GTPBP10: variants seen among roughly 807,000 people sequenced by gnomAD.
The protein encoded by GTPBP10 is GTP binding protein 10, also known as GTP-binding protein 10.
GTPBP10 carries 38 observed loss-of-function variants against 44.8 expected under a neutral mutation model. That is an observed-to-expected ratio of 0.85 (90% CI 0.65 to 1.11). The LOEUF is 1.11. Ranked by LOEUF, GTPBP10 falls within the 50% of genes most tolerant of loss-of-function variation. The pLI, the probability that GTPBP10 is intolerant of heterozygous loss-of-function variation, is 0.00. For synonymous variants in GTPBP10, 152 were observed against 150.6 expected (o/e 1.01, Z -0.07); for missense variants, 462 against 453.7 (o/e 1.02, Z -0.17).
intron 4 of GTPBP10, among the ~76,000 whole-genome samples, chr7:90,365,005 C>G (rs1184227383): frequency 6.6e-6 from 1 of 152,168 alleles, no homozygotes; most frequent in Non-Finnish European, 1.5e-5. Context: ...GGGAGTGACC[C>G]GATTTTCCAG....
At position 90,355,082 on chromosome 7, in the gene GTPBP10, T is replaced by A; in HGVS notation, c.320-4T>A. 6.5e-7 allele frequency: 1 copy of A among 1,545,076 alleles called. No homozygotes were observed. Among genetic ancestry groups the A allele is most frequent in the South Asian group, 1.2e-5 (1 of 85,456 alleles). ...CTGTAAGTATTTCTCTCCCTCTTTTTAAGGAGAACTCAATAAAGAAAATGA... is the reference window on the plus strand; with the variant it reads ...CTGTAAGTATTTCTCTCCCTCTTTTAAAGGAGAACTCAATAAAGAAAATGA... On this transcript the variant is annotated splice_region_variant and splice_polypyrimidine_tract_variant and intron_variant, in intron 3 of 9. Coordinates refer to ENST00000222511, the MANE Select transcript of GTPBP10 (RefSeq NM_033107.4).
At chr7:90,368,498 T>A (rs1029233213) in intron 4 of GTPBP10, among the ~76,000 whole-genome samples, 5 of 152,210 alleles carry the variant, frequency 3.3e-5, no homozygotes, top group Admixed American at 2.6e-4. Context: ...TTCAGTTTTT[T>A]TTCCTCTAAT....
intron 4 of GTPBP10, among the ~76,000 whole-genome samples, chr7:90,366,009 C>T (rs1272859645): frequency 2.0e-5 from 3 of 152,194 alleles, no homozygotes; most frequent in Non-Finnish European, 2.9e-5. Context: ...TTTTCTGCAT[C>T]TATTGAGATA....
rs1187958527 is a variant in GTPBP10 at position 90,389,355 on chromosome 7, T to C, written c.*4201T>C. 1.1e-4 allele frequency: 17 copies of C among 151,966 alleles called. No individual in the cohort carries two copies. The highest frequency in any genetic ancestry group is 2.5e-4 in the Non-Finnish European group (17 of 68,002). The allele number at this position is 151,966 out of a possible 1,614,324, so 9.4% of individuals were successfully genotyped here. ...TGGATGGTGAATACATGAGTTGTTT[T>C]TTAAACTCTTTTGGGAGCCTAAAAA... On this transcript the variant is annotated 3_prime_UTR_variant, in exon 10 of 10. Transcript: ENST00000222511.
chr7:90,352,644 A>G (rs42659), intron 1 of GTPBP10, among the ~76,000 whole-genome samples, 172 bp from the exon 2 acceptor site: 79,519 of 152,112 alleles, frequency 0.52, 21,615 homozygotes, highest in East Asian at 0.63. Flanking sequence ...CAAATGGGAA[A>G]GGGGGTCAGA....
chr7:90,363,036 G>A (rs549260918), intron 4 of GTPBP10, among the ~76,000 whole-genome samples: 36 of 152,132 alleles, frequency 2.4e-4, no homozygotes, highest in African/African-American at 8.4e-4. Context: ...GTCTCTGCAT[G>A]TGAGATGGGT....
rs1480659573 is a variant in GTPBP10, at chr7:90,385,266, A to G, written c.*112A>G. 4.3e-6 allele frequency: 3 copies of G among 701,098 alleles called. No individual in the cohort carries two copies. The highest frequency in any genetic ancestry group is 5.6e-5 in the East Asian group (2 of 35,852). The allele number at this position is 701,098 out of a possible 1,614,324, so 43.4% of individuals were successfully genotyped here. ...TAAGTAAAATAAGCCAGGCTTAGAA[A>G]GACAAATGCTGCATAATCTCACTGT... On this transcript the variant is annotated 3_prime_UTR_variant, in exon 10 of 10. Transcript: ENST00000222511.
chr7:90,358,848 G>T (rs1022947463), intron 4 of GTPBP10, among the ~76,000 whole-genome samples: 12 of 152,072 alleles, frequency 7.9e-5, no homozygotes, highest in African/African-American at 2.9e-4. Flanking sequence ...TGCAAACTAC[G>T]CATCTAACAG....
intron 4 of GTPBP10, among the ~76,000 whole-genome samples, chr7:90,361,088 A>G (rs990183172): frequency 2.0e-5 from 3 of 152,150 alleles, no homozygotes; most frequent in African/African-American, 4.8e-5. Context: ...AACAGGGACA[A>G]TTTGACTTCC....
chr7:90,374,998 G>T (rs912734961), intron 6 of GTPBP10, among the ~76,000 whole-genome samples: 2 of 151,918 alleles, frequency 1.3e-5, no homozygotes, highest in East Asian at 3.8e-4. Context: ...TAGGTGAATG[G>T]GTAAATAAAC....
intron 6 of GTPBP10, among the ~76,000 whole-genome samples, chr7:90,377,014 A>G (rs1188848714): frequency 6.6e-6 from 1 of 152,196 alleles, no homozygotes; most frequent in East Asian, 1.9e-4. Flanking sequence ...ACTTGAGGAT[A>G]GGAGTTTGAG....
Position 90,386,311 on chromosome 7 carries a change from A to G in GTPBP10, c.*1157A>G, listed in dbSNP as rs925649506. On this transcript the variant is annotated 3_prime_UTR_variant, in exon 10 of 10. Coordinates refer to ENST00000222511, the MANE Select transcript of GTPBP10 (RefSeq NM_033107.4). ...TGGAGACCTTAAAACCCTAAATTTG[A>G]ATACATGTTCAATGATAGTAAAGAT... is the stretch of plus-strand genomic sequence containing the variant. 6.6e-6 allele frequency: 1 copy of G among 152,212 alleles called. No homozygotes were observed. The highest frequency in any genetic ancestry group is 2.4e-5 in the African/African-American group (1 of 41,462). The allele number at this position is 152,212 out of a possible 1,614,324, so 9.4% of individuals were successfully genotyped here. A position where few individuals can be genotyped will look rare whatever the true frequency, so the allele number is the denominator to read the frequency against.
rs1292915976 is a variant in GTPBP10, at chr7:90,390,234, A to G, written c.*5080A>G. ...TAGAAATGAGAAAGGGAGAGAGGGA[A>G]GAAGAAAAAAATGGATGTTGGAAAG... is the stretch of plus-strand genomic sequence containing the variant. On this transcript the variant is annotated 3_prime_UTR_variant, in exon 10 of 10. Transcript: ENST00000222511. The G allele has an allele frequency of 6.6e-6, 1 of 152,244 alleles. No individual in the cohort carries two copies. The highest frequency in any genetic ancestry group is 6.5e-5 in the Admixed American group (1 of 15,280). 9.4% of individuals were successfully genotyped at this position (152,244 alleles called of 1,614,324 possible). A position where few individuals can be genotyped will look rare whatever the true frequency, so the allele number is the denominator to read the frequency against.
intron 4 of GTPBP10, among the ~76,000 whole-genome samples, chr7:90,362,714 T>C (rs1414167099): frequency 6.6e-6 from 1 of 152,236 alleles, no homozygotes; most frequent in African/African-American, 2.4e-5. Flanking sequence ...TGTTGATCTG[T>C]CTAATGTTGA....
At chr7:90,368,805 A>G (rs1369215835) in intron 4 of GTPBP10, among the ~76,000 whole-genome samples, 3 of 151,990 alleles carry the variant, frequency 2.0e-5, no homozygotes, top group Non-Finnish European at 4.4e-5. Flanking sequence ...AATTTGTCAA[A>G]CTCATTCTCC....
At chr7:90,356,712 A>G (rs750690929) in intron 4 of GTPBP10, among the ~76,000 whole-genome samples, 1 of 151,516 alleles carries the variant, frequency 6.6e-6, no homozygotes, top group African/African-American at 2.4e-5. Context: ...TCTCATCTTT[A>G]ATAGTGTATG....
chr7:90,357,027 T>G (rs1210293728), intron 4 of GTPBP10, among the ~76,000 whole-genome samples: 2 of 152,190 alleles, frequency 1.3e-5, no homozygotes, highest in Non-Finnish European at 2.9e-5. Context: ...TCTTGAAGAG[T>G]TACTACTATG....
intron 4 of GTPBP10, among the ~76,000 whole-genome samples, chr7:90,365,528 AC>A (rs1460418503): frequency 9.3e-5 from 14 of 150,608 alleles, no homozygotes; most frequent in Admixed American, 7.3e-4. Context: ...GGCGCCCGCC[AC>A]TACGCCCGGC....
Position 90,372,192 on chromosome 7 carries a change from GT to G in GTPBP10, c.505del (p.Ser169LeufsTer15). 6.2e-7 allele frequency: 1 copy of G among 1,607,180 alleles called. No individual in the cohort carries two copies. The highest frequency in any genetic ancestry group is 8.5e-7 in the Non-Finnish European group (1 of 1,176,448). On this transcript the variant is annotated frameshift_variant, in exon 5 of 10. Coordinates refer to ENST00000222511, the MANE Select transcript of GTPBP10 (RefSeq NM_033107.4). LOFTEE classifies it high-confidence loss of function. ...TGGAAAATCCTCTTTGCTAAGTTGTGTTTCTCATGCAAAACCTGCAATTGCA... is the reference window on the plus strand; with the variant it reads ...TGGAAAATCCTCTTTGCTAAGTTGTGTTCTCATGCAAAACCTGCAATTGCA... ...NAGKSSLLSC[V>X]SHAKPAIADY...
Sources: allele counts gnomAD v4.1 joint callset (sites outside exome capture counted in the v4.1 genomes callset), GRCh38; gene constraint gnomAD v4.1.1; transcripts MANE v1.5; gene names NCBI Gene and HGNC (gene_info 2026-07-23, HGNC 2026-07-21).